Variants in KHDRBS3 observed in about 807,000 individuals in gnomAD.
KHDRBS3 encodes KH RNA binding domain containing, signal transduction associated 3.
KHDRBS3 carries 23 observed loss-of-function variants against 45.6 expected under a neutral mutation model. The observed-to-expected ratio is 0.50, with a 90% confidence interval of 0.36 to 0.72. KHDRBS3 has a LOEUF of 0.72. KHDRBS3 is among the 30% of genes least tolerant of loss of function. KHDRBS3 has a pLI of 0.00. For missense variants in KHDRBS3, 352 were observed against 424.8 expected (o/e 0.83, Z 1.51); for synonymous variants, 162 against 156.5 (o/e 1.04, Z -0.26).
chr8:135,580,042 G>C (rs774079387), intron 5 of KHDRBS3, among the ~76,000 whole-genome samples: 4 of 152,166 alleles, frequency 2.6e-5, no homozygotes, highest in Non-Finnish European at 5.9e-5. Flanking sequence ...TCACAAATCT[G>C]GCACCTGTTA....
rs59502823 is a variant in KHDRBS3, at chr8:135,515,365, T to TAAAAAAAAAAAAAAAAA, written c.89-5851_89-5835dup. On this transcript the variant is annotated intron_variant, in intron 1 of 8. Transcript: ENST00000355849. ...TGGGCGACAGAGCGAGACTCCGTCTTAAAAAAAAAAAAAAAAAAAAAAAAA... is the reference window on the plus strand; with the variant it reads ...TGGGCGACAGAGCGAGACTCCGTCTTAAAAAAAAAAAAAAAAAAAAAAAAAAAAAAAAAAAAAAAAAA... Among the ~76,000 whole-genome samples, 11 of 39,740 alleles carry TAAAAAAAAAAAAAAAAA rather than the reference T, an allele frequency of 2.8e-4. 1 individual carries two copies. The highest frequency in any genetic ancestry group is 4.3e-4 in the Non-Finnish European group (9 of 20,790). 26.1% of individuals were successfully genotyped at this position (39,740 alleles called of 152,430 possible).
At chr8:135,485,133 T>C (rs1822785885) in intron 1 of KHDRBS3, among the ~76,000 whole-genome samples, 1 of 152,194 alleles carries the variant, frequency 6.6e-6, no homozygotes, top group Non-Finnish European at 1.5e-5. Flanking sequence ...CTTTGCCATC[T>C]GACACATGAT....
intron 1 of KHDRBS3, among the ~76,000 whole-genome samples, chr8:135,512,442 A>G (rs1003327418): frequency 8.8e-6 from 1 of 113,480 alleles, no homozygotes; most frequent in Non-Finnish European, 1.7e-5. Context: ...GGGGGGGGTA[A>G]TAACTCTATT....
intron 5 of KHDRBS3, among the ~76,000 whole-genome samples, chr8:135,575,635 G>A (rs1179247080): frequency 5.3e-5 from 8 of 152,106 alleles, no homozygotes; most frequent in Admixed American, 1.3e-4. Context: ...CTGCAAGAAA[G>A]CTGCAAAATT....
intron 7 of KHDRBS3, among the ~76,000 whole-genome samples, chr8:135,628,975 A>C (rs1261160331): frequency 6.6e-6 from 1 of 152,214 alleles, no homozygotes; most frequent in African/African-American, 2.4e-5. Context: ...TTTCTCTCAG[A>C]TGATTAAGAC....
At chr8:135,610,239 C>T (rs1829654967) in intron 7 of KHDRBS3, among the ~76,000 whole-genome samples, 1 of 151,842 alleles carries the variant, frequency 6.6e-6, no homozygotes, top group South Asian at 2.1e-4. Context: ...TGCTCTAAAT[C>T]AGGCATGGAA....
At chr8:135,462,003 T>C (rs2130093103) in intron 1 of KHDRBS3, among the ~76,000 whole-genome samples, 1 of 152,346 alleles carries the variant, frequency 6.6e-6, no homozygotes, top group African/African-American at 2.4e-5. Flanking sequence ...GTACATCTCT[T>C]TGTAATCCAC....
rs114150336 is a variant in KHDRBS3 at position 135,592,631 on chromosome 8, T to A, written c.807+10558T>A. On this transcript the variant is annotated intron_variant, in intron 6 of 8. Transcript: ENST00000355849. ...ATAATGTTGGGGAGGAAAAGTAATT[T>A]TCTGTCTACCCTCTGAGTTCTTAGC... is the stretch of plus-strand genomic sequence containing the variant. Among the ~76,000 whole-genome samples, 824 of 152,310 alleles carry A rather than the reference T, an allele frequency of 5.4e-3. 1 individual carries two copies. The highest frequency in any genetic ancestry group is 0.019 in the African/African-American group (795 of 41,556).
chr8:135,561,421 A>G (rs1336418331), intron 5 of KHDRBS3, among the ~76,000 whole-genome samples: 2 of 152,136 alleles, frequency 1.3e-5, no homozygotes, highest in African/African-American at 2.4e-5. Context: ...CTTTGCCGAA[A>G]GTCATGCAGC....
chr8:135,629,374 C>A (rs577672175), intron 7 of KHDRBS3, among the ~76,000 whole-genome samples: 3 of 152,318 alleles, frequency 2.0e-5, no homozygotes, highest in South Asian at 2.1e-4. Context: ...GGCTGTAAGA[C>A]AGCTGCAGCA....
chr8:135,587,621 A>T (rs1456430550), intron 6 of KHDRBS3, among the ~76,000 whole-genome samples: 1 of 152,186 alleles, frequency 6.6e-6, no homozygotes, highest in African/African-American at 2.4e-5. Flanking sequence ...TTTATTATTT[A>T]TGTCCAAATA....
chr8:135,617,408 G>T (rs1028427641), intron 7 of KHDRBS3, among the ~76,000 whole-genome samples: 1 of 151,916 alleles, frequency 6.6e-6, no homozygotes, highest in African/African-American at 2.4e-5. Flanking sequence ...CTCCCAGGTA[G>T]CTGGGACTAC....
At chr8:135,495,540 T>C (rs906121314) in intron 1 of KHDRBS3, among the ~76,000 whole-genome samples, 1 of 152,210 alleles carries the variant, frequency 6.6e-6, no homozygotes, top group Non-Finnish European at 1.5e-5. Context: ...GAAGACGATA[T>C]TTTCTTCTTC....
intron 7 of KHDRBS3, among the ~76,000 whole-genome samples, chr8:135,623,751 TACTC>T (rs1414453213): frequency 2.0e-5 from 3 of 152,192 alleles, no homozygotes; most frequent in African/African-American, 7.2e-5. Context: ...AATGGCTAGT[TACTC>T]ACAGTTTTTG....
intron 2 of KHDRBS3, among the ~76,000 whole-genome samples, chr8:135,530,059 C>CAAAAA (rs11428464): frequency 7.3e-6 from 1 of 136,624 alleles, no homozygotes. Flanking sequence ...ACTCCCATCT[C>CAAAAA]AAAAAAAAAA....
rs1823927479 is a variant in KHDRBS3, at chr8:135,505,152, A to T, written c.89-16085A>T. ...GCTATTTGGTTTTCCAAAAAGCAAT[A>T]TTGAAGTAGAGGGAACAAATTAGAA... On this transcript the variant is annotated intron_variant, in intron 1 of 8. Transcript: ENST00000355849. 2.6e-5 allele frequency among the ~76,000 whole-genome samples: 4 copies of T among 152,330 alleles called. No individual in the cohort carries two copies. In the South Asian group the frequency reaches 8.3e-4, roughly 32 times the overall value.
chr8:135,548,138 A>G (rs2130795257), intron 3 of KHDRBS3, among the ~76,000 whole-genome samples: 1 of 152,304 alleles, frequency 6.6e-6, no homozygotes, highest in South Asian at 2.1e-4. Flanking sequence ...ATAGCAATGA[A>G]TGAATGTTTA....
chr8:135,651,523 A>G (rs1356084865), downstream of KHDRBS3, among the ~76,000 whole-genome samples: 1 of 152,126 alleles, frequency 6.6e-6, no homozygotes, highest in Non-Finnish European at 1.5e-5. Flanking sequence ...GGGACATGTA[A>G]TGAAGGGTCT....
At chr8:135,494,415 G>C (rs1284412533) in intron 1 of KHDRBS3, among the ~76,000 whole-genome samples, 1 of 151,164 alleles carries the variant, frequency 6.6e-6, no homozygotes, top group Non-Finnish European at 1.5e-5. Context: ...AGTAGCTGGG[G>C]CTACAGGCGC....
Sources: allele counts gnomAD v4.1 joint callset (sites outside exome capture counted in the v4.1 genomes callset), GRCh38; gene constraint gnomAD v4.1.1; transcripts MANE v1.5; gene names NCBI Gene and HGNC (gene_info 2026-07-23, HGNC 2026-07-21).